The following TBK1 variants were observed in gnomAD, a reference collection of about 807,000 sequenced individuals.
TBK1 encodes the protein TANK binding kinase 1, also known as serine/threonine-protein kinase TBK1.
TBK1 carries 37 observed loss-of-function variants against 99.9 expected under a neutral mutation model. That is an observed-to-expected ratio of 0.37 (90% confidence interval 0.28 to 0.49). The LOEUF is 0.49. Among genes scored for constraint, TBK1 ranks in the 20% least tolerant of loss-of-function variants. The probability of loss-of-function intolerance (pLI) is 0.98; values close to 1 mark genes in which losing one functional copy is unlikely to be tolerated. For synonymous variants in TBK1, 258 were observed against 279.8 expected, an observed-to-expected ratio of 0.92 and a Z score of 0.78; for missense variants, 644 against 872.5, an observed-to-expected ratio of 0.74 and a Z score of 3.30.
chr12:64,495,662 C>T, intron 14 of TBK1, 37 bp from the exon 15 acceptor site: 2 of 1,612,302 alleles, frequency 1.2e-6, no homozygotes, highest in Non-Finnish European at 1.7e-6. Context: ...TTCACATTGA[C>T]TCAGTTAATT....
At chr12:64,482,137 A>G in intron 8 of TBK1, 116 bp downstream of exon 8, 7 of 594,742 alleles carry the variant, frequency 1.2e-5, no homozygotes, top group Non-Finnish European at 1.5e-5. Flanking sequence ...CATTTCCCAC[A>G]TGGAAAATTA....
At chr12:64,453,683 G>T (rs1469281337) in intron 1 of TBK1, among the ~76,000 whole-genome samples, 1 of 152,136 alleles carries the variant, frequency 6.6e-6, no homozygotes, top group African/African-American at 2.4e-5. Flanking sequence ...ACTTACTGTG[G>T]AGGGATATTA....
chr12:64,460,114 C>T (rs2040530189), intron 2 of TBK1, 75 bp from the exon 3 acceptor site: 6 of 990,142 alleles, frequency 6.1e-6, no homozygotes, highest in South Asian at 2.9e-5. Flanking sequence ...GTTGCAATAG[C>T]GAGTTCTAAT....
At chr12:64,490,611 T>C (rs943023224) in intron 13 of TBK1, among the ~76,000 whole-genome samples, 1 of 152,150 alleles carries the variant, frequency 6.6e-6, no homozygotes, top group Non-Finnish European at 1.5e-5. Flanking sequence ...TCACATGCAG[T>C]TGAATGTAAA....
At chr12:64,492,724 T>TC (rs1395431948) in intron 13 of TBK1, among the ~76,000 whole-genome samples, 1 of 150,106 alleles carries the variant, frequency 6.7e-6, no homozygotes, top group East Asian at 1.9e-4. Context: ...TCATTTTTTC[T>TC]CTTTTTCTTT....
At chr12:64,499,673 G>A (rs2040966967) in intron 20 of TBK1, among the ~76,000 whole-genome samples, 1 of 144,404 alleles carries the variant, frequency 6.9e-6, no homozygotes, top group Non-Finnish European at 1.5e-5. Flanking sequence ...TCACCAAGTA[G>A]AAGAGACTAT....
chr12:64,470,659 G>T (rs2040653513), intron 5 of TBK1, among the ~76,000 whole-genome samples: 1 of 152,196 alleles, frequency 6.6e-6, no homozygotes, highest in Non-Finnish European at 1.5e-5. Context: ...ATATTCCAAA[G>T]TCATTCAGGC....
chr12:64,489,972 A>G, intron 12 of TBK1, 69 bp from the exon 13 acceptor site: 1 of 938,336 alleles, frequency 1.1e-6, no homozygotes, highest in Non-Finnish European at 1.5e-6. Context: ...ATTATTATTT[A>G]TAAAACATCT....
At position 64,464,479 on chromosome 12, in the gene TBK1, T is replaced by C; in HGVS notation, c.358+16T>C. 7 of 1,535,296 alleles carry C rather than the reference T, an allele frequency of 4.6e-6. No individual in the cohort carries two copies. The highest frequency in any genetic ancestry group is 6.1e-6 in the Non-Finnish European group (7 of 1,140,254). ...CGAGATGTGGGTATGTTTGTTTATTTATATGATATCATTTGTATATAAAAT... is the reference window on the plus strand; with the variant it reads ...CGAGATGTGGGTATGTTTGTTTATTCATATGATATCATTTGTATATAAAAT... On this transcript the variant is annotated intron_variant, in intron 4 of 20. Coordinates refer to ENST00000331710, the MANE Select transcript of TBK1 (RefSeq NM_013254.4).
chr12:64,500,210 C>T (rs571730594), intron 20 of TBK1, among the ~76,000 whole-genome samples: 1 of 152,274 alleles, frequency 6.6e-6, no homozygotes, highest in Non-Finnish European at 1.5e-5. Flanking sequence ...TATTATACTA[C>T]TCTGTCTCCA....
At chr12:64,497,578 T>C in intron 18 of TBK1, 70 bp from the exon 19 acceptor site, 1 of 1,024,202 alleles carries the variant, frequency 9.8e-7, no homozygotes, top group South Asian at 1.6e-5. Flanking sequence ...ATGTCAGATC[T>C]GTAGTAAGTA....
chr12:64,460,897 A>G (rs1044506972), intron 3 of TBK1, among the ~76,000 whole-genome samples: 2 of 151,830 alleles, frequency 1.3e-5, no homozygotes, highest in Non-Finnish European at 2.9e-5. Context: ...CCTGGGCAAC[A>G]TGGCAAAACC....
intron 1 of TBK1, among the ~76,000 whole-genome samples, chr12:64,455,551 A>G (rs1048516849): frequency 1.3e-5 from 2 of 152,228 alleles, no homozygotes; most frequent in African/African-American, 4.8e-5. Flanking sequence ...TAAAAAGTTG[A>G]AAGTAAAAAT....
At chr12:64,456,146 C>G (rs749049003) in intron 2 of TBK1, among the ~76,000 whole-genome samples, 189 bp downstream of exon 2, 1 of 152,134 alleles carries the variant, frequency 6.6e-6, no homozygotes. Context: ...AGTGGTGGCA[C>G]AGGTTAAGTG....
intron 5 of TBK1, among the ~76,000 whole-genome samples, chr12:64,470,687 T>G (rs1034389731): frequency 5.9e-5 from 9 of 152,216 alleles, no homozygotes; most frequent in African/African-American, 2.2e-4. Context: ...AGGAGGATCA[T>G]TTTTCAGAAC....
At chr12:64,499,783 C>T (rs987210026) in intron 20 of TBK1, among the ~76,000 whole-genome samples, 1 of 148,580 alleles carries the variant, frequency 6.7e-6, no homozygotes, top group Non-Finnish European at 1.5e-5. Flanking sequence ...CTGCAACCTC[C>T]ACCTCCCGAG....
intron 1 of TBK1, among the ~76,000 whole-genome samples, chr12:64,454,791 G>A (rs1227708322): frequency 1.4e-5 from 2 of 143,984 alleles, no homozygotes; most frequent in Non-Finnish European, 1.5e-5. Flanking sequence ...ATTCTCCTGC[G>A]TCAGCCTCCC....
chr12:64,462,352 C>T (rs1234020871), intron 3 of TBK1, among the ~76,000 whole-genome samples: 1 of 152,092 alleles, frequency 6.6e-6, no homozygotes, highest in Non-Finnish European at 1.5e-5. Context: ...TCTTGGAACA[C>T]CTTATATATG....
At chr12:64,495,647 C>G (rs1254788621) in intron 14 of TBK1, 43 bp downstream of exon 14, 1 of 1,612,596 alleles carries the variant, frequency 6.2e-7, no homozygotes, top group Admixed American at 1.7e-5. Context: ...TTATTAATGT[C>G]CTTTTTCACA....
Sources: allele counts gnomAD v4.1 joint callset (sites outside exome capture counted in the v4.1 genomes callset), GRCh38; gene constraint gnomAD v4.1.1; transcripts MANE v1.5; gene names NCBI Gene and HGNC (gene_info 2026-07-23, HGNC 2026-07-21).